Variants in TAMM41 observed in about 807,000 individuals in gnomAD.
TAMM41 encodes TAM41 mitochondrial translocator assembly and maintenance homolog.
TAMM41 carries 36 observed loss-of-function variants against 44.1 expected under a neutral mutation model. The ratio of observed to expected loss-of-function variants is 0.82; its 90% CI spans 0.63 to 1.08. TAMM41 has a LOEUF of 1.08. Among genes scored for constraint, TAMM41 ranks in the 50% least tolerant of loss-of-function variants. TAMM41 has a pLI of 0.00. For synonymous variants in TAMM41, 164 were observed against 153.1 expected (o/e 1.07, Z -0.53); for missense variants, 417 against 404.3 (o/e 1.03, Z -0.27).
chr3:11,790,951 C>A (rs2077464106), intron 7 of TAMM41, among the ~76,000 whole-genome samples: 1 of 152,170 alleles, frequency 6.6e-6, no homozygotes, highest in Admixed American at 6.5e-5. Context: ...AAATTCCAAC[C>A]CCACCTCACT....
chr3:11,736,336 C>A, the TAMM41 span, among the ~76,000 whole-genome samples: 1 of 152,180 alleles, frequency 6.6e-6, no homozygotes, highest in Non-Finnish European at 1.5e-5. Flanking sequence ...ATGCTCAGAG[C>A]AAAACCAATC....
the TAMM41 span, among the ~76,000 whole-genome samples, chr3:11,739,952 C>T: frequency 8.5e-5 from 13 of 152,172 alleles, no homozygotes; most frequent in South Asian, 2.1e-4. Flanking sequence ...AGATGCTTCA[C>T]GCATGTTTTT....
At chr3:11,822,570 T>C (rs1217104191) in intron 4 of TAMM41, among the ~76,000 whole-genome samples, 1 of 152,194 alleles carries the variant, frequency 6.6e-6, no homozygotes, top group Non-Finnish European at 1.5e-5. Flanking sequence ...ACAATGGAGA[T>C]CCAGGTTGGA....
chr3:11,742,562 C>T, the TAMM41 span, among the ~76,000 whole-genome samples: 4 of 148,814 alleles, frequency 2.7e-5, no homozygotes, highest in Admixed American at 2.0e-4. Context: ...TGTGTATAAG[C>T]TTTTATGTGA....
chr3:11,730,140 T>C, the TAMM41 span, among the ~76,000 whole-genome samples: 1 of 152,046 alleles, frequency 6.6e-6, no homozygotes, highest in Non-Finnish European at 1.5e-5. Flanking sequence ...TCCCAGCACT[T>C]TGGGGCACGA....
chr3:11,752,286 C>G, the TAMM41 span, among the ~76,000 whole-genome samples: 1 of 152,080 alleles, frequency 6.6e-6, no homozygotes, highest in East Asian at 1.9e-4. Context: ...AAAGAGTGAG[C>G]AGCAGCAAGA....
At chr3:11,781,661 G>C in the TAMM41 span, among the ~76,000 whole-genome samples, 1 of 151,754 alleles carries the variant, frequency 6.6e-6, no homozygotes, top group Admixed American at 6.6e-5. Flanking sequence ...CTTGAACCTG[G>C]GAGGTGGAGG....
the TAMM41 span, among the ~76,000 whole-genome samples, chr3:11,765,145 A>G: frequency 2.0e-5 from 3 of 152,282 alleles, no homozygotes; most frequent in South Asian, 2.1e-4. Flanking sequence ...TTTTTCCTCC[A>G]AAAGAACTGA....
At chr3:11,773,671 T>G in the TAMM41 span, among the ~76,000 whole-genome samples, 1 of 152,262 alleles carries the variant, frequency 6.6e-6, no homozygotes, top group Non-Finnish European at 1.5e-5. Context: ...CTTCTAGCTG[T>G]GATTTCATTA....
intron 5 of TAMM41, among the ~76,000 whole-genome samples, chr3:11,814,050 G>T (rs1380616796): frequency 6.6e-6 from 1 of 151,258 alleles, no homozygotes; most frequent in Non-Finnish European, 1.5e-5. Flanking sequence ...TAGTGGCATG[G>T]GCCTGTAGTC....
chr3:11,739,011 C>T, the TAMM41 span, among the ~76,000 whole-genome samples: 28 of 152,354 alleles, frequency 1.8e-4, no homozygotes, highest in African/African-American at 6.5e-4. Context: ...GCACCTTCCA[C>T]TCCAGCGACA....
chr3:11,734,618 CA>C, the TAMM41 span, among the ~76,000 whole-genome samples: 3 of 152,146 alleles, frequency 2.0e-5, no homozygotes, highest in African/African-American at 7.2e-5. Context: ...GCTACTCATT[CA>C]ACACATAGTT....
downstream of TAMM41, among the ~76,000 whole-genome samples, chr3:11,786,476 T>A (rs888031332): frequency 2.0e-5 from 3 of 150,946 alleles, no homozygotes; most frequent in African/African-American, 7.3e-5. Context: ...GGCTAATTTT[T>A]GTATTTTTAG....
At chr3:11,755,166 C>G in the TAMM41 span, among the ~76,000 whole-genome samples, 2 of 152,130 alleles carry the variant, frequency 1.3e-5, no homozygotes, top group South Asian at 4.1e-4. Context: ...GACAGCAAAG[C>G]CTGGATAACA....
At chr3:11,813,859 T>C (rs995902371) in intron 5 of TAMM41, among the ~76,000 whole-genome samples, 4 of 142,720 alleles carry the variant, frequency 2.8e-5, no homozygotes. Context: ...TGTGTGTGTA[T>C]GTATGTATAT....
the TAMM41 span, among the ~76,000 whole-genome samples, chr3:11,740,999 T>C: frequency 7.0e-6 from 1 of 143,670 alleles, no homozygotes; most frequent in Admixed American, 6.9e-5. Flanking sequence ...GGTGGATGGA[T>C]TACGAGGTCA....
the TAMM41 span, among the ~76,000 whole-genome samples, chr3:11,773,575 C>A: frequency 2.0e-5 from 3 of 152,112 alleles, no homozygotes; most frequent in Non-Finnish European, 2.9e-5. Context: ...AACATCCAGA[C>A]CTGTTGGCAA....
rs1254186471 is a variant in TAMM41, at chr3:11,809,606, A to G, written c.785T>C (p.Ile262Thr). 3 of 1,614,132 alleles carry G rather than the reference A, an allele frequency of 1.9e-6. No homozygotes were observed. Among genetic ancestry groups the G allele is most frequent in the South Asian group, 2.2e-5 (2 of 91,076 alleles). ...PKTLQQQINH[I>T]MDPPGKNRDV... ...TCTGTTTTTTCCAGGAGGGTCCATA[A>G]TATGATTTATCTGTTGCTGTAAGGT... Residue 262 changes from isoleucine (I) to threonine (T), a missense_variant, in exon 6 of 8, where the codon ATT becomes ACT. Ile to Thr is a moderately conservative substitution (Grantham distance 89). Transcript: ENST00000455809.
the TAMM41 span, among the ~76,000 whole-genome samples, chr3:11,758,224 C>T: frequency 0.013 from 2,001 of 152,292 alleles, 33 homozygotes; most frequent in African/African-American, 0.046. Flanking sequence ...TGCTAGGACA[C>T]AATGCTGGAG....
Sources: gnomAD v4.1 joint callset for allele counts (sites outside exome capture counted in the v4.1 genomes callset) on GRCh38, gnomAD v4.1.1 for gene constraint, MANE v1.5 for transcripts, NCBI Gene and HGNC (gene_info 2026-07-23, HGNC 2026-07-21) for gene names.